Variants in DPP10 observed in about 807,000 individuals in gnomAD.
The protein encoded by DPP10 is inactive dipeptidyl peptidase 10.
DPP10 carries 33 observed loss-of-function variants against 120.9 expected under a neutral mutation model. The ratio of observed to expected loss-of-function variants is 0.27; its 90% confidence interval spans 0.21 to 0.37. The LOEUF is 0.37. Ranked by LOEUF, DPP10 falls within the 10% of genes least tolerant of loss-of-function variation. The probability of loss-of-function intolerance (pLI) is 1.00; values close to 1 mark genes in which losing one functional copy is unlikely to be tolerated. For missense variants in DPP10, 816 were observed against 942.8 expected, an observed-to-expected ratio of 0.87 and a Z score of 1.76; for synonymous variants, 337 against 326.1, an observed-to-expected ratio of 1.03 and a Z score of -0.36.
At chr2:114,721,972 G>A (rs1441442800) in intron 1 of DPP10, among the ~76,000 whole-genome samples, 2 of 152,170 alleles carry the variant, frequency 1.3e-5, no homozygotes, top group Admixed American at 1.3e-4. Flanking sequence ...ACATTATAGT[G>A]TAGTTGAGAA....
chr2:114,809,034 A>G (rs1684970875), intron 1 of DPP10, among the ~76,000 whole-genome samples: 1 of 152,150 alleles, frequency 6.6e-6, no homozygotes, highest in Non-Finnish European at 1.5e-5. Flanking sequence ...TTTATAATTA[A>G]TTAAGTAATT....
At chr2:114,889,351 G>T (rs1438119481) in intron 1 of DPP10, among the ~76,000 whole-genome samples, 1 of 152,002 alleles carries the variant, frequency 6.6e-6, no homozygotes, top group Non-Finnish European at 1.5e-5. Context: ...GTAATCTTCA[G>T]ATTCAGATCT....
chr2:115,112,702 GA>G (rs1167583924), intron 1 of DPP10, among the ~76,000 whole-genome samples: 1 of 152,166 alleles, frequency 6.6e-6, no homozygotes, highest in Admixed American at 6.5e-5. Flanking sequence ...GTGGTTACCA[GA>G]GGCTGAGGTA....
chr2:115,574,270 G>A lies in DPP10; in HGVS notation c.441+48298G>A, dbSNP rs534528745. Among the ~76,000 whole-genome samples the A allele has an allele frequency of 2.4e-4, 36 of 152,242 alleles. 1 individual carries two copies. In the South Asian group the frequency reaches 7.5e-3, roughly 32 times the overall value. On this transcript the variant is annotated intron_variant, in intron 5 of 25. Coordinates refer to ENST00000410059, the MANE Select transcript of DPP10 (RefSeq NM_020868.6). ...GAACTACCATGAAATCTTGGAAACT[G>A]TTTTTCTCCTACCAGTCTTGTTTCT...
intron 1 of DPP10, among the ~76,000 whole-genome samples, chr2:114,467,551 G>A (rs1679507521): frequency 6.6e-6 from 1 of 152,102 alleles, no homozygotes; most frequent in East Asian, 1.9e-4. Context: ...ACCTCCTTTA[G>A]GTTACACTAC....
intron 1 of DPP10, among the ~76,000 whole-genome samples, chr2:114,893,751 C>T (rs1385345034): frequency 1.3e-5 from 2 of 152,238 alleles, no homozygotes; most frequent in East Asian, 1.9e-4. Context: ...TCACATCATC[C>T]AATTAACATA....
chr2:115,210,309 T>C (rs2056422532), intron 1 of DPP10, among the ~76,000 whole-genome samples: 1 of 152,166 alleles, frequency 6.6e-6, no homozygotes, highest in Non-Finnish European at 1.5e-5. Context: ...CTGAGAATGA[T>C]GGTTTCCAGC....
At chr2:115,238,172 G>A (rs931274565) in intron 1 of DPP10, among the ~76,000 whole-genome samples, 8 of 152,186 alleles carry the variant, frequency 5.3e-5, no homozygotes, top group Admixed American at 1.3e-4. Context: ...GCTTTAAAAT[G>A]AAGCCAGTGC....
chr2:115,314,202 T>G (rs143564486), intron 2 of DPP10, among the ~76,000 whole-genome samples: 1 of 152,226 alleles, frequency 6.6e-6, no homozygotes, highest in Non-Finnish European at 1.5e-5. Flanking sequence ...GTCATCAGGC[T>G]CTTTAATCCA....
At chr2:115,360,795 G>T (rs570544173) in intron 3 of DPP10, among the ~76,000 whole-genome samples, 2 of 152,292 alleles carry the variant, frequency 1.3e-5, no homozygotes, top group South Asian at 4.1e-4. Context: ...CTCTGTACTT[G>T]ACAGAGTCAG....
At chr2:114,569,178 G>A (rs1689431928) in intron 1 of DPP10, among the ~76,000 whole-genome samples, 1 of 152,180 alleles carries the variant, frequency 6.6e-6, no homozygotes, top group Non-Finnish European at 1.5e-5. Context: ...AAGTCTCTTA[G>A]AGTCCCTGAA....
At chr2:115,263,965 A>AT (rs1330718392) in intron 1 of DPP10, among the ~76,000 whole-genome samples, 1 of 152,178 alleles carries the variant, frequency 6.6e-6, no homozygotes. Context: ...GTTATAAGTT[A>AT]TATCTGAAAT....
At position 114,442,728 on chromosome 2, in the gene DPP10, G is replaced by C; in HGVS notation, c.-51G>C. On this transcript the variant is annotated 5_prime_UTR_variant, in exon 1 of 26. Coordinates refer to ENST00000410059, the MANE Select transcript of DPP10 (RefSeq NM_020868.6). ...TCCAATAGAGGAGACTTGATCTCTA[G>C]TTCATTCTGGAACTCCGCCTGGGAT... The C allele has an allele frequency of 2.0e-5, 32 of 1,609,486 alleles. No homozygotes were observed. The highest frequency in any genetic ancestry group is 2.5e-5 in the Non-Finnish European group (29 of 1,177,114).
At chr2:115,723,482 T>C (rs1468708910) in intron 7 of DPP10, among the ~76,000 whole-genome samples, 1 of 152,210 alleles carries the variant, frequency 6.6e-6, no homozygotes, top group East Asian at 1.9e-4. Context: ...ATCCAGGCAT[T>C]CGATTATGAT....
chr2:115,227,270 ACT>A (rs1328070494), intron 1 of DPP10, among the ~76,000 whole-genome samples: 1 of 152,060 alleles, frequency 6.6e-6, no homozygotes, highest in Non-Finnish European at 1.5e-5. Context: ...GGACTTACAG[ACT>A]CTACTAATTT....
At chr2:115,708,669 T>G (rs1338551627) in intron 7 of DPP10, among the ~76,000 whole-genome samples, 1 of 152,090 alleles carries the variant, frequency 6.6e-6, no homozygotes, top group Non-Finnish European at 1.5e-5. Context: ...TAACCAATTT[T>G]ATATCTCTAA....
chr2:114,949,329 T>A (rs547363332), intron 1 of DPP10, among the ~76,000 whole-genome samples: 8 of 152,132 alleles, frequency 5.3e-5, no homozygotes, highest in South Asian at 2.1e-4. Context: ...AGCAGGTCCC[T>A]CCCCTGACCC....
At chr2:115,162,660 T>A (rs1478961326) in intron 1 of DPP10, among the ~76,000 whole-genome samples, 1 of 151,880 alleles carries the variant, frequency 6.6e-6, no homozygotes, top group Admixed American at 6.6e-5. Context: ...GGCGCTGGCT[T>A]TGGTGATGTG....
intron 5 of DPP10, among the ~76,000 whole-genome samples, chr2:115,633,850 T>G (rs1298127410): frequency 3.9e-5 from 6 of 152,168 alleles, no homozygotes; most frequent in Admixed American, 3.9e-4. Context: ...TTGAAAAAGT[T>G]CTCCTGGATG....
Sources: allele counts gnomAD v4.1 joint callset (sites outside exome capture counted in the v4.1 genomes callset), GRCh38; gene constraint gnomAD v4.1.1; transcripts MANE v1.5; gene names NCBI Gene and HGNC (gene_info 2026-07-23, HGNC 2026-07-21).